Variants in IPO7 observed in about 807,000 individuals in gnomAD.
IPO7 encodes the protein importin-7.
In IPO7, 13 loss-of-function variants were observed where a neutral mutation model predicts 136.4. The ratio of observed to expected loss-of-function variants is 0.10; its 90% CI spans 0.06 to 0.15. The LOEUF (loss-of-function observed/expected upper bound fraction) is 0.15. IPO7 is among the 10% of genes least tolerant of loss of function. IPO7 has a pLI of 1.00. For missense variants in IPO7, 857 were observed against 1,240.6 expected (o/e 0.69, Z 4.65); for synonymous variants, 403 against 404.4 (o/e 1.00, Z 0.04).
At chr11:9,388,803 A>G (rs1281781817) in intron 1 of IPO7, among the ~76,000 whole-genome samples, 1 of 152,092 alleles carries the variant, frequency 6.6e-6, no homozygotes, top group East Asian at 1.9e-4. Flanking sequence ...GGCCTCAAGC[A>G]GCGTCCTCCC....
At chr11:9,388,281 A>G (rs1854580514) in intron 1 of IPO7, among the ~76,000 whole-genome samples, 1 of 150,194 alleles carries the variant, frequency 6.7e-6, no homozygotes, top group African/African-American at 2.4e-5. Context: ...GGGTTCAAGC[A>G]ATTCTCCTGC....
chr11:9,425,489 C>A (rs867997091), intron 12 of IPO7, among the ~76,000 whole-genome samples: 2 of 152,254 alleles, frequency 1.3e-5, no homozygotes, highest in Middle Eastern at 3.4e-3. Context: ...GCCTGTAATC[C>A]CAGCTATTTG....
intron 4 of IPO7, among the ~76,000 whole-genome samples, chr11:9,412,660 T>C (rs527805770): frequency 1.3e-5 from 2 of 151,970 alleles, no homozygotes; most frequent in South Asian, 4.2e-4. Context: ...TCCCCTACTC[T>C]CTACAGACAA....
intron 1 of IPO7, among the ~76,000 whole-genome samples, chr11:9,392,944 C>T (rs1854657218): frequency 9.9e-6 from 1 of 100,796 alleles, no homozygotes; most frequent in African/African-American, 4.7e-5. Flanking sequence ...AAGACTCTGT[C>T]TCAAAAAAAA....
intron 1 of IPO7, among the ~76,000 whole-genome samples, chr11:9,393,858 G>T (rs1443404869): frequency 6.6e-6 from 1 of 151,962 alleles, no homozygotes; most frequent in African/African-American, 2.4e-5. Context: ...CAGTAACCTT[G>T]GAAAAGTAAT....
rs200772832 is a variant in IPO7, at chr11:9,426,418, C to G, written c.1335+1156C>G. 5.3e-5 allele frequency among the ~76,000 whole-genome samples: 8 copies of G among 152,206 alleles called. No homozygotes were observed. The East Asian group carries it at 1.5e-3, about 29-fold the overall frequency. Reference sequence around the variant, plus strand: ...ATATACCACATTTTATTTACTCATTCATTAGTTGTTTCTACTTTCTGGCTG... The same window carrying G: ...ATATACCACATTTTATTTACTCATTGATTAGTTGTTTCTACTTTCTGGCTG... On this transcript the variant is annotated intron_variant, in intron 12 of 24. Coordinates refer to ENST00000379719, the MANE Select transcript of IPO7 (RefSeq NM_006391.3).
At chr11:9,436,685 G>GT (rs1432296733) in intron 20 of IPO7, among the ~76,000 whole-genome samples, 1 of 148,786 alleles carries the variant, frequency 6.7e-6, no homozygotes, top group Non-Finnish European at 1.5e-5. Flanking sequence ...TTTGTTTTTT[G>GT]TTTTTTGTTT....
At chr11:9,398,554 ACT>A (rs1391354894) in intron 1 of IPO7, among the ~76,000 whole-genome samples, 44 of 152,064 alleles carry the variant, frequency 2.9e-4, no homozygotes, top group African/African-American at 1.0e-3. Flanking sequence ...ATGTACAAAG[ACT>A]CTGAAATGAA....
chr11:9,428,935 C>T (rs1430629823), intron 13 of IPO7, 96 bp from the exon 14 acceptor site: 1 of 1,120,114 alleles, frequency 8.9e-7, no homozygotes, highest in African/African-American at 1.5e-5. Flanking sequence ...ACTGGCCAGC[C>T]TCCAAATTCC....
At chr11:9,390,055 C>T (rs1854606947) in intron 1 of IPO7, among the ~76,000 whole-genome samples, 1 of 151,992 alleles carries the variant, frequency 6.6e-6, no homozygotes, top group African/African-American at 2.4e-5. Context: ...TGCGCCTGGC[C>T]TAATTTTATA....
chr11:9,440,356 G>A lies in IPO7; in HGVS notation c.2696-99G>A, dbSNP rs969320865. 1.1e-5 allele frequency: 10 copies of A among 933,262 alleles called. No individual in the cohort carries two copies. The East Asian group carries it at 1.5e-4, about 14-fold the overall frequency. 57.8% of individuals were successfully genotyped at this position (933,262 alleles called of 1,614,324 possible). ...TTCCTGGAGCTCTCTCTTGTCACTT[G>A]TGACTTGTAATTTACTGACAGTGAT... On this transcript the variant is annotated intron_variant, in intron 22 of 24. Transcript: ENST00000379719.
At position 9,397,341 on chromosome 11, in the gene IPO7, A is replaced by AAAAAAAAAAAAAATATAT; in HGVS notation, c.85-5948_85-5947insAAAAAAAAAAAATATATA. Among the ~76,000 whole-genome samples the AAAAAAAAAAAAAATATAT allele has an allele frequency of 2.3e-3, 25 of 10,758 alleles. 1 individual carries two copies. The highest frequency in any genetic ancestry group is 0.013 in the Admixed American group (6 of 478). The allele number at this position is 10,758 out of a possible 152,430, so 7.1% of individuals were successfully genotyped here. The stretch of plus-strand genomic sequence containing the variant: ...CTTTACTAAAAATAATTTAAAAAAA[A>AAAAAAAAAAAAAATATAT]ATATATATATATATATATATATATT... On this transcript the variant is annotated intron_variant, in intron 1 of 24. Coordinates refer to ENST00000379719, the MANE Select transcript of IPO7 (RefSeq NM_006391.3).
At chr11:9,426,011 A>G (rs1454663654) in intron 12 of IPO7, among the ~76,000 whole-genome samples, 1 of 152,024 alleles carries the variant, frequency 6.6e-6, no homozygotes, top group Non-Finnish European at 1.5e-5. Context: ...ATGCCACTGC[A>G]CTCCATGCTC....
At chr11:9,429,424 A>G (rs1196947592) in intron 14 of IPO7, among the ~76,000 whole-genome samples, 1 of 152,034 alleles carries the variant, frequency 6.6e-6, no homozygotes, top group Admixed American at 6.6e-5. Flanking sequence ...CAGGATCACT[A>G]GAGCCCGACG....
chr11:9,392,692 T>C (rs1854653292), intron 1 of IPO7, among the ~76,000 whole-genome samples: 1 of 152,108 alleles, frequency 6.6e-6, no homozygotes, highest in African/African-American at 2.4e-5. Flanking sequence ...CTCAGGCCTG[T>C]TATCCCAGCA....
At chr11:9,421,574 G>A (rs1377183767) in intron 8 of IPO7, among the ~76,000 whole-genome samples, 2 of 151,392 alleles carry the variant, frequency 1.3e-5, no homozygotes, top group African/African-American at 4.9e-5. Context: ...GTTGCAGTGG[G>A]CTGAGATCAC....
chr11:9,423,990 T>C, intron 10 of IPO7, 114 bp downstream of exon 10: 1 of 603,832 alleles, frequency 1.7e-6, no homozygotes, highest in South Asian at 2.1e-5. Flanking sequence ...TTAATGTAAT[T>C]GATCCCTTGT....
Position 9,446,867 on chromosome 11 carries a change from C to T in IPO7, c.*1673C>T, listed in dbSNP as rs2133772096. The T allele has an allele frequency of 6.6e-6, 1 of 152,062 alleles. No homozygotes were observed. 9.4% of individuals were successfully genotyped at this position (152,062 alleles called of 1,614,324 possible). ...AGTATTTCCTATATTTATGAATTTACTACTAAAATCTTGGCAAAAAAAGAA... is the reference window on the plus strand; with the variant it reads ...AGTATTTCCTATATTTATGAATTTATTACTAAAATCTTGGCAAAAAAAGAA... On this transcript the variant is annotated 3_prime_UTR_variant, in exon 25 of 25. Coordinates refer to ENST00000379719, the MANE Select transcript of IPO7 (RefSeq NM_006391.3).
chr11:9,438,277 A>C lies in IPO7; in HGVS notation c.2687A>C (p.Asp896Ala). 6.5e-7 allele frequency: 1 copy of C among 1,530,342 alleles called. No individual in the cohort carries two copies. Among genetic ancestry groups the C allele is most frequent in the South Asian group, 1.1e-5 (1 of 89,506 alleles). 94.8% of individuals were successfully genotyped at this position (1,530,342 alleles called of 1,614,324 possible). A position where few individuals can be genotyped will look rare whatever the true frequency, so the allele number is the denominator to read the frequency against. Residue 896 changes from aspartate to alanine, a missense_variant, in exon 22 of 25, where the codon GAT (aspartate) becomes GCT (alanine). Coordinates refer to ENST00000379719, the MANE Select transcript of IPO7 (RefSeq NM_006391.3). Reference protein sequence around the residue: ...SDDDDEAEDDDETEELGSDED... With the variant: ...SDDDDEAEDDAETEELGSDED... Reference sequence around the variant, plus strand: ...GATGATGATGAAGCTGAAGATGATGATGAAACCGGTAAGGGATTTTCAATG... The same window carrying C: ...GATGATGATGAAGCTGAAGATGATGCTGAAACCGGTAAGGGATTTTCAATG...
Sources: gnomAD v4.1 joint callset for allele counts (sites outside exome capture counted in the v4.1 genomes callset) on GRCh38, gnomAD v4.1.1 for gene constraint, MANE v1.5 for transcripts, NCBI Gene and HGNC (gene_info 2026-07-23, HGNC 2026-07-21) for gene names.